The following ERCC6 variants were observed in gnomAD, a reference collection of about 807,000 sequenced individuals.
The protein encoded by ERCC6 is DNA excision repair protein ERCC-6.
Under a neutral mutation model 158.7 loss-of-function variants are expected in ERCC6, and 116 were observed. The ratio of observed to expected loss-of-function variants is 0.73; its 90% CI spans 0.63 to 0.85. ERCC6 has a LOEUF of 0.85. Among genes scored for constraint, ERCC6 ranks in the 40% least tolerant of loss-of-function variants. ERCC6 has a pLI of 0.00. For synonymous variants in ERCC6, 678 were observed against 659.3 expected (o/e 1.03, Z -0.43); for missense variants, 1,698 against 1,799.4 (o/e 0.94, Z 1.02).
At chr10:49,522,879 T>C (rs1279446015) in intron 5 of ERCC6, among the ~76,000 whole-genome samples, 1 of 152,184 alleles carries the variant, frequency 6.6e-6, no homozygotes, top group Non-Finnish European at 1.5e-5. Context: ...ATCTGTGCAT[T>C]ACTACATAAG....
Position 49,470,875 on chromosome 10 carries a change from C to T in ERCC6, c.3085G>A (p.Val1029Ile), listed in dbSNP as rs1417536821. 2.5e-6 allele frequency: 4 copies of T among 1,613,864 alleles called. No individual in the cohort carries two copies. In the South Asian group the frequency reaches 3.3e-5, roughly 13 times the overall value. ...TTTAGATGGCATTTGGGTGTCTGAACATCTGATCCAGTTCCTGTAAAGAGG... is the reference window on the plus strand; with the variant it reads ...TTTAGATGGCATTTGGGTGTCTGAATATCTGATCCAGTTCCTGTAAAGAGG... ...SAIFAGTGSD[V>I]QTPKCHLKRR... The change falls in exon 18 of 21, where the codon GTT becomes ATT. Residue 1029 changes from valine to isoleucine, a missense_variant. Physicochemically the swap from Val to Ile is conservative, Grantham distance 29 (BLOSUM62 3). Transcript: ENST00000355832.
chr10:49,479,636 T>C (rs1436465247), intron 10 of ERCC6, among the ~76,000 whole-genome samples: 2 of 152,208 alleles, frequency 1.3e-5, no homozygotes, highest in Non-Finnish European at 2.9e-5. Flanking sequence ...ATAGTCCCAC[T>C]GAGGAAGCAC....
chr10:49,442,279 C>T, the ERCC6 span, among the ~76,000 whole-genome samples: 3 of 152,338 alleles, frequency 2.0e-5, no homozygotes, highest in Non-Finnish European at 4.4e-5. Context: ...CCTCAGCGCC[C>T]GGTGCGGGGT....
chr10:49,441,960 C>T, the ERCC6 span, among the ~76,000 whole-genome samples: 1 of 152,144 alleles, frequency 6.6e-6, no homozygotes, highest in Non-Finnish European at 1.5e-5. Flanking sequence ...CAAAAACTCC[C>T]GGGAGCGGCA....
intron 4 of ERCC6, among the ~76,000 whole-genome samples, chr10:49,527,014 T>C (rs1483453348): frequency 6.6e-6 from 1 of 152,148 alleles, no homozygotes; most frequent in Non-Finnish European, 1.5e-5. Context: ...GAAATAACTA[T>C]GCAGAAGTAG....
chr10:49,461,599 G>A (rs990688269), intron 18 of ERCC6, 43 bp from the exon 19 acceptor site: 2 of 1,564,082 alleles, frequency 1.3e-6, no homozygotes, highest in Non-Finnish European at 1.7e-6. Context: ...CACTCTGTAT[G>A]CAAGAAAGAC....
chr10:49,505,643 G>T, intron 6 of ERCC6: 1 of 481,522 alleles, frequency 2.1e-6, no homozygotes, highest in Non-Finnish European at 3.7e-6. Context: ...GTCTGCTGAG[G>T]CAGGTCCATA....
At chr10:49,439,782 C>G in the ERCC6 span, among the ~76,000 whole-genome samples, 15 of 152,254 alleles carry the variant, frequency 9.9e-5, no homozygotes, top group Admixed American at 3.9e-4. Flanking sequence ...AAATTTCTTC[C>G]GCTAGATACC....
the ERCC6 span, among the ~76,000 whole-genome samples, chr10:49,443,019 G>A: frequency 1.3e-5 from 2 of 152,122 alleles, no homozygotes; most frequent in Admixed American, 6.5e-5. Context: ...TACTTCTGAC[G>A]CTTGTGCCAA....
At chr10:49,449,608 A>G, downstream of ERCC6, among the ~76,000 whole-genome samples, 1 of 110,918 alleles carries the variant, frequency 9.0e-6, no homozygotes, top group African/African-American at 3.6e-5. Context: ...TCACTCTGTC[A>G]CCCAGGCTGG....
At chr10:49,523,502 G>A (rs2132618825) in intron 5 of ERCC6, among the ~76,000 whole-genome samples, 1 of 152,302 alleles carries the variant, frequency 6.6e-6, no homozygotes, top group East Asian at 1.9e-4. Context: ...TTTGCATGAT[G>A]GTGGCTTATA....
At chr10:49,530,490 G>T (rs562397144) in intron 3 of ERCC6, among the ~76,000 whole-genome samples, 1 of 152,136 alleles carries the variant, frequency 6.6e-6, no homozygotes, top group East Asian at 1.9e-4. Flanking sequence ...AACTGTATAC[G>T]TATGGATGTG....
chr10:49,446,868 G>A, the ERCC6 span, among the ~76,000 whole-genome samples: 5 of 152,144 alleles, frequency 3.3e-5, no homozygotes, highest in Admixed American at 6.5e-5. Context: ...GAAATAAAAA[G>A]TTCCAGAAGG....
In ERCC6 at chr10:49,526,097, ATTTATATATTTATATATT is replaced by A. The variant is rs1304874967; in HGVS notation, c.653-1338_653-1321del. On this transcript the variant is annotated intron_variant, in intron 4 of 20. Coordinates refer to ENST00000355832, the MANE Select transcript of ERCC6 (RefSeq NM_000124.4). The stretch of plus-strand genomic sequence containing the variant: ...CTTTTGGTTTTATTTATATTTATAT[ATTTATATATTTATATATT>A]TTTATATATATATATATATATATAT... Among the ~76,000 whole-genome samples the A allele has an allele frequency of 1.2e-3, 125 of 102,984 alleles. 2 individuals carry two copies. The highest frequency in any genetic ancestry group is 4.6e-3 in the African/African-American group (115 of 25,024). 67.6% of individuals were successfully genotyped at this position (102,984 alleles called of 152,430 possible). A position where few individuals can be genotyped will look rare whatever the true frequency, so the allele number is the denominator to read the frequency against.
chr10:49,464,081 G>T (rs1222791990), intron 18 of ERCC6, among the ~76,000 whole-genome samples: 2 of 152,206 alleles, frequency 1.3e-5, no homozygotes, highest in African/African-American at 4.8e-5. Context: ...AGAGGAAAAT[G>T]TGGGAAGGTT....
At chr10:49,520,335 C>T (rs866236482) in intron 5 of ERCC6, among the ~76,000 whole-genome samples, 5 of 152,168 alleles carry the variant, frequency 3.3e-5, no homozygotes, top group African/African-American at 1.2e-4. Flanking sequence ...CGTCTGTGCT[C>T]GTTGCCCTCA....
chr10:49,446,594 G>C, the ERCC6 span, among the ~76,000 whole-genome samples: 419 of 152,272 alleles, frequency 2.8e-3, 1 homozygote, highest in African/African-American at 9.8e-3. Flanking sequence ...GGGTGACACA[G>C]CGAGACTCTG....
At chr10:49,469,703 T>C (rs1466004624) in intron 18 of ERCC6, among the ~76,000 whole-genome samples, 1 of 152,212 alleles carries the variant, frequency 6.6e-6, no homozygotes, top group African/African-American at 2.4e-5. Context: ...GGGCTATCTA[T>C]ATACTCCATG....
intron 5 of ERCC6, among the ~76,000 whole-genome samples, chr10:49,521,400 T>C (rs1837157029): frequency 6.6e-6 from 1 of 152,166 alleles, no homozygotes; most frequent in Non-Finnish European, 1.5e-5. Context: ...ACTGAAGGTG[T>C]GTTAGTCCTA....
Sources: allele counts gnomAD v4.1 joint callset (sites outside exome capture counted in the v4.1 genomes callset), GRCh38; gene constraint gnomAD v4.1.1; transcripts MANE v1.5; gene names NCBI Gene and HGNC (gene_info 2026-07-23, HGNC 2026-07-21).